MCPH1: variants seen among roughly 807,000 people sequenced by gnomAD.
MCPH1 encodes the protein microcephalin.
MCPH1 carries 104 observed loss-of-function variants against 84.5 expected under a neutral mutation model. That is an observed-to-expected ratio of 1.23 (90% CI 1.05 to 1.45). The LOEUF (loss-of-function observed/expected upper bound fraction) is 1.45, where lower values mean the gene tolerates loss of function less well. MCPH1 is among the 40% of genes most tolerant of loss of function. The probability of loss-of-function intolerance (pLI) is 0.00; values close to 1 mark genes in which losing one functional copy is unlikely to be tolerated. For missense variants in MCPH1, 1,498 were observed against 1,005.7 expected, an observed-to-expected ratio of 1.49 and a Z score of -6.62; for synonymous variants, 514 against 366.8, an observed-to-expected ratio of 1.40 and a Z score of -4.58.
chr8:6,482,423 G>C (rs1451041032), intron 11 of MCPH1, among the ~76,000 whole-genome samples: 1 of 152,234 alleles, frequency 6.6e-6, no homozygotes, highest in East Asian at 1.9e-4. Flanking sequence ...CCTTTGGATA[G>C]GGTGGACTAC....
chr8:6,538,099 CACAT>C (rs1426759191), intron 12 of MCPH1, among the ~76,000 whole-genome samples: 2 of 152,166 alleles, frequency 1.3e-5, no homozygotes, highest in African/African-American at 4.8e-5. Flanking sequence ...CTCTCACACA[CACAT>C]ACACGTTTTT....
At chr8:6,491,454 C>G (rs992556316) in intron 11 of MCPH1, among the ~76,000 whole-genome samples, 2 of 146,466 alleles carry the variant, frequency 1.4e-5, no homozygotes, top group African/African-American at 2.5e-5. Context: ...TTGCTCAGAA[C>G]ATGTATTTTT....
At chr8:6,622,014 C>A (rs949941427) in intron 13 of MCPH1, 4 of 411,780 alleles carry the variant, frequency 9.7e-6, no homozygotes, top group Non-Finnish European at 1.9e-5. Context: ...GGGCACCCCT[C>A]TTAGACCCTC....
In MCPH1 at chr8:6,436,031, G is replaced by A. The variant is rs147245957; in HGVS notation, c.322-17G>A. 141 of 1,612,374 alleles carry A rather than the reference G, an allele frequency of 8.7e-5. No individual in the cohort carries two copies. Among genetic ancestry groups the A allele is most frequent in the Non-Finnish European group, 1.1e-4 (128 of 1,179,134 alleles). ...CAGTTGCAGTACAGCATTAATTTTT[G>A]TGTTCTTTTTGCACAGCGTAAATGT... On this transcript the variant is annotated splice_polypyrimidine_tract_variant and intron_variant, in intron 4 of 13. Transcript: ENST00000344683.
intron 12 of MCPH1, among the ~76,000 whole-genome samples, chr8:6,559,525 T>C (rs1825186867): frequency 2.0e-5 from 3 of 151,376 alleles, no homozygotes; most frequent in African/African-American, 7.3e-5. Flanking sequence ...CAAAAAACGA[T>C]GGCAGAGGAA....
At chr8:6,632,668 C>G (rs2980657) in intron 13 of MCPH1, among the ~76,000 whole-genome samples, 65,268 of 151,796 alleles carry the variant, frequency 0.43, 15,281 homozygotes, top group East Asian at 0.72. Context: ...AATTAGCCGG[C>G]CGTGGTGGCA....
At chr8:6,583,729 C>T (rs1027971282) in intron 12 of MCPH1, among the ~76,000 whole-genome samples, 1 of 151,588 alleles carries the variant, frequency 6.6e-6, no homozygotes, top group Non-Finnish European at 1.5e-5. Context: ...CCAAGTTATC[C>T]GAGGCAGGTT....
At chr8:6,527,899 A>ATTTTTTTTTTTTTTTTTTT (rs71213313) in intron 12 of MCPH1, among the ~76,000 whole-genome samples, 8 of 133,122 alleles carry the variant, frequency 6.0e-5, no homozygotes, top group Non-Finnish European at 1.1e-4. Context: ...CCACGTCTCT[A>ATTTTTTTTTTTTTTTTTTT]TTTTTTTTTT....
chr8:6,637,312 G>C (rs188858915), intron 13 of MCPH1, among the ~76,000 whole-genome samples: 58 of 152,280 alleles, frequency 3.8e-4, no homozygotes, highest in African/African-American at 1.2e-3. Flanking sequence ...GAGGAGGAGT[G>C]AGGTAGGCCC....
chr8:6,440,081 G>C (rs951718807), intron 6 of MCPH1, among the ~76,000 whole-genome samples: 1 of 152,200 alleles, frequency 6.6e-6, no homozygotes, highest in Non-Finnish European at 1.5e-5. Context: ...TGGAGGGTTT[G>C]TTTGCAGCTT....
chr8:6,613,833 C>G (rs1830530522), intron 12 of MCPH1, among the ~76,000 whole-genome samples: 1 of 152,070 alleles, frequency 6.6e-6, no homozygotes, highest in South Asian at 2.1e-4. Context: ...GAGGTGGCAG[C>G]CAGGGGCAGG....
chr8:6,452,696 CCTCT>C (rs1189492460), intron 8 of MCPH1, among the ~76,000 whole-genome samples: 2 of 152,192 alleles, frequency 1.3e-5, no homozygotes, highest in Non-Finnish European at 2.9e-5. Flanking sequence ...GAACTGGCTT[CCTCT>C]CTCTCTGCCA....
chr8:6,554,162 T>C (rs6991221), intron 12 of MCPH1, among the ~76,000 whole-genome samples: 15,642 of 150,086 alleles, frequency 0.1, 2,218 homozygotes, highest in African/African-American at 0.33. Flanking sequence ...AGTAGTCTTA[T>C]CACCAGATTA....
In MCPH1 at chr8:6,513,576, G is replaced by A. The variant is rs1293810440; in HGVS notation, c.2214+13647G>A. On this transcript the variant is annotated intron_variant, in intron 12 of 13. Transcript: ENST00000344683. ...TCTCAATCTCCTGACCTCGTGATCT[G>A]CCCACCTCGGCCTCCCAAAGTGCTG... is the stretch of plus-strand genomic sequence containing the variant. 1.3e-5 allele frequency: 11 copies of A among 829,002 alleles called. No individual in the cohort carries two copies. The South Asian group carries it at 1.4e-4, about 10-fold the overall frequency. The allele number at this position is 829,002 out of a possible 1,614,324, so 51.4% of individuals were successfully genotyped here.
chr8:6,489,700 G>A (rs1810352270), intron 11 of MCPH1, among the ~76,000 whole-genome samples: 1 of 152,196 alleles, frequency 6.6e-6, no homozygotes, highest in Admixed American at 6.5e-5. Flanking sequence ...AGCGAATGGG[G>A]CACTGTGAAG....
At position 6,642,993 on chromosome 8, in the gene MCPH1, G is replaced by C. The variant is rs587783739; in HGVS notation, c.2453-1G>C. 13 of 1,613,932 alleles carry C rather than the reference G, an allele frequency of 8.1e-6. No individual in the cohort carries two copies. The highest frequency in any genetic ancestry group is 2.2e-5 in the East Asian group (1 of 44,884). On this transcript the variant is annotated splice_acceptor_variant, in intron 13 of 13. Coordinates refer to ENST00000344683, the MANE Select transcript of MCPH1 (RefSeq NM_024596.5). LOFTEE classifies it high-confidence loss of function. ...TAAACTGCTTTTCGCTCTCTCTCTA[G>C]ATTCCATCACCCAGCACAAGGTCTG...
chr8:6,603,782 T>C (rs1829548577), intron 12 of MCPH1, among the ~76,000 whole-genome samples: 6 of 152,192 alleles, frequency 3.9e-5, no homozygotes, highest in Admixed American at 3.9e-4. Context: ...AACTGCCACT[T>C]GCATTCTCTG....
intron 13 of MCPH1, among the ~76,000 whole-genome samples, chr8:6,628,107 C>T (rs1320507130): frequency 6.6e-6 from 1 of 152,034 alleles, no homozygotes; most frequent in African/African-American, 2.4e-5. Context: ...TGTTGGGTCC[C>T]CGTCGTTAAA....
At chr8:6,629,912 T>C (rs1242099612) in intron 13 of MCPH1, among the ~76,000 whole-genome samples, 5 of 152,146 alleles carry the variant, frequency 3.3e-5, no homozygotes, top group Admixed American at 1.3e-4. Context: ...GCCCAGCAAG[T>C]GGAAAACTCT....
Sources: gnomAD v4.1 joint callset for allele counts (sites outside exome capture counted in the v4.1 genomes callset) on GRCh38, gnomAD v4.1.1 for gene constraint, MANE v1.5 for transcripts, NCBI Gene and HGNC (gene_info 2026-07-23, HGNC 2026-07-21) for gene names.